The following ARHGAP27 variants were observed in gnomAD, a reference collection of about 807,000 sequenced individuals.
The protein encoded by ARHGAP27 is Rho GTPase activating protein 27, also known as rho GTPase-activating protein 27.
ARHGAP27 carries 53 observed loss-of-function variants against 102.0 expected under a neutral mutation model. The ratio of observed to expected loss-of-function variants is 0.52; its 90% CI spans 0.42 to 0.65. ARHGAP27 has a LOEUF of 0.65. Ranked by LOEUF, ARHGAP27 falls within the 30% of genes least tolerant of loss-of-function variation. The probability of loss-of-function intolerance (pLI) is 0.00; values close to 1 mark genes in which losing one functional copy is unlikely to be tolerated. For missense variants in ARHGAP27, 1,117 were observed against 1,256.2 expected (o/e 0.89, Z 1.68); for synonymous variants, 525 against 542.8 (o/e 0.97, Z 0.46).
At chr17:45,407,519 C>CTTTTTTTTTTTTTTTTTTT (rs3973543) in intron 4 of ARHGAP27, 2 of 143,028 alleles carry the variant, frequency 1.4e-5, no homozygotes, top group Non-Finnish European at 3.1e-5. Flanking sequence ...TCTTTTTTTT[C>CTTTTTTTTTTTTTTTTTTT]TTTTTTTTTT....
rs745407695 is a variant in ARHGAP27 at position 45,398,015 on chromosome 17, G to A, written c.1776C>T (p.Ile592=). ...TGATGATGGCCTCCGAGTCGTGCTG[G>A]ATCAGGTACTCAGAGCCATCTCGGC... ...LRSRDGSEYL[I]QHDSEAIIST... The change falls in exon 13 of 20, where the codon ATC becomes ATT. Residue 592 remains isoleucine (I), a synonymous_variant. Transcript: ENST00000685559. 3 of 1,609,116 alleles carry A rather than the reference G, an allele frequency of 1.9e-6. No homozygotes were observed. Among genetic ancestry groups the A allele is most frequent in the Admixed American group, 3.3e-5 (2 of 59,952 alleles).
intron 4 of ARHGAP27, among the ~76,000 whole-genome samples, chr17:45,420,295 T>TTTTTG (rs137932389): frequency 6.6e-6 from 1 of 151,162 alleles, no homozygotes; most frequent in Admixed American, 6.6e-5. Context: ...GTAAACAAGG[T>TTTTTG]TTTTGTTTTG....
In ARHGAP27 at chr17:45,410,397, C is replaced by T. The variant is rs544572897; in HGVS notation, c.658-4314G>A. ...GGGCAACAGGGAAACAAGAAGTTGC[C>T]GAGATGGCGGGAGGCTGAGACTCCA... On this transcript the variant is annotated intron_variant, in intron 4 of 19. Coordinates refer to ENST00000685559, the MANE Select transcript of ARHGAP27 (RefSeq NM_001282290.2). 9.6e-6 allele frequency: 13 copies of T among 1,354,314 alleles called. No individual in the cohort carries two copies. The African/African-American group carries it at 1.1e-4, about 11-fold the overall frequency. 83.9% of individuals were successfully genotyped at this position (1,354,314 alleles called of 1,614,324 possible). A position where few individuals can be genotyped will look rare whatever the true frequency, so the allele number is the denominator to read the frequency against.
chr17:45,395,166 A>G lies in ARHGAP27; in HGVS notation c.*290T>C, dbSNP rs2045438027. On this transcript the variant is annotated 3_prime_UTR_variant, in exon 20 of 20. Transcript: ENST00000685559. The stretch of plus-strand genomic sequence containing the variant: ...ACAAACTCTCACCCCCACACACGCT[A>G]TCGCACACGCACAGTAGGCGCGATG... 4.1e-6 allele frequency: 2 copies of G among 488,422 alleles called. No individual in the cohort carries two copies. The highest frequency in any genetic ancestry group is 3.8e-5 in the Admixed American group (1 of 26,216). The allele number at this position is 488,422 out of a possible 1,614,324, so 30.3% of individuals were successfully genotyped here.
intron 4 of ARHGAP27, among the ~76,000 whole-genome samples, chr17:45,419,104 G>A (rs1218193374): frequency 1.3e-5 from 2 of 152,062 alleles, no homozygotes; most frequent in Admixed American, 6.5e-5. Flanking sequence ...ACCAGTTGCC[G>A]CCACCAGACC....
In ARHGAP27 at chr17:45,427,386, A is replaced by G. The variant is rs2049723419; in HGVS notation, c.657+2237T>C. On this transcript the variant is annotated intron_variant, in intron 4 of 19. Transcript: ENST00000685559. The surrounding 1 kb of genome is among the most constrained non-coding windows in gnomAD (Gnocchi z 4.5). ...CCATGTCTTCTCTTGCTGGCCTCCT[A>G]TCCAAGAGGGTGAGTCCCCCAGGAT... Among the ~76,000 whole-genome samples the G allele has an allele frequency of 6.6e-6, 1 of 152,296 alleles. No homozygotes were observed. The highest frequency in any genetic ancestry group is 1.9e-4 in the East Asian group (1 of 5,174).
intron 4 of ARHGAP27, 55 bp downstream of exon 4, chr17:45,429,568 G>C: frequency 1.9e-6 from 3 of 1,574,564 alleles, no homozygotes; most frequent in Non-Finnish European, 2.6e-6. Context: ...GGCTCCGTGC[G>C]GGCGCGGTCC....
At chr17:45,414,525 C>T (rs1464678844) in intron 4 of ARHGAP27, among the ~76,000 whole-genome samples, 9 of 151,420 alleles carry the variant, frequency 5.9e-5, no homozygotes, top group African/African-American at 2.2e-4. Context: ...GCAGCTTTGA[C>T]TTCTTGGACT....
intron 4 of ARHGAP27, among the ~76,000 whole-genome samples, chr17:45,426,407 C>T (rs762719074): frequency 6.6e-6 from 1 of 152,112 alleles, no homozygotes; most frequent in African/African-American, 2.4e-5. Context: ...GACCAGCCCA[C>T]CCCAAGTGCT....
Position 45,430,148 on chromosome 17 carries a change from G to T in ARHGAP27, c.132C>A (p.His44Gln). ...CGGGCTCACGCCGCACGTGCCACCA[G>T]TGCTCGGTGCTGCGCCGCAGCAGCC... ...RYRLLRRSTEHWWHVRREPGG... is the reference protein window; with the variant it reads ...RYRLLRRSTEQWWHVRREPGG... Residue 44 changes from histidine (H) to glutamine (Q), a missense_variant, in exon 4 of 20, where the codon CAC (histidine) becomes CAA (glutamine). Transcript: ENST00000685559. This position sits in a 1 kb window ranked among gnomAD's most constrained non-coding sequence, Gnocchi z 4.4. 4 of 1,534,054 alleles carry T rather than the reference G, an allele frequency of 2.6e-6. No individual in the cohort carries two copies. Among genetic ancestry groups the T allele is most frequent in the Non-Finnish European group, 3.5e-6 (4 of 1,146,614 alleles).
At chr17:45,431,329 C>T (rs993721602) in intron 3 of ARHGAP27, among the ~76,000 whole-genome samples, 37 of 152,340 alleles carry the variant, frequency 2.4e-4, no homozygotes, top group African/African-American at 8.4e-4. Flanking sequence ...GTGCATGGCC[C>T]CTCCAAACTC....
At chr17:45,425,529 G>T in intron 4 of ARHGAP27, 1 of 980,878 alleles carries the variant, frequency 1.0e-6, no homozygotes, top group Non-Finnish European at 1.2e-6. Flanking sequence ...AAACTGCTGT[G>T]GCCACCCCCT....
At position 45,404,411 on chromosome 17, in the gene ARHGAP27, G is replaced by A. The variant is rs1048217846; in HGVS notation, c.1413+34C>T. On this transcript the variant is annotated intron_variant, in intron 8 of 19. Coordinates refer to ENST00000685559, the MANE Select transcript of ARHGAP27 (RefSeq NM_001282290.2). ...AGAAGCCCCCCACTGCTTCTGTGGT[G>A]GTCCTGCCAGGACCTCAATGGCTCC... is the stretch of plus-strand genomic sequence containing the variant. The A allele has an allele frequency of 3.7e-6, 6 of 1,613,688 alleles. No homozygotes were observed. The African/African-American group carries it at 8.0e-5, about 22-fold the overall frequency.
rs2047101427 is a variant in ARHGAP27, at chr17:45,405,878, G to A, written c.863C>T (p.Pro288Leu). ...GTCCACCGAGGCAGGGGAGGTGGCT[G>A]GGCTGGCGGCACCCTCGGCAGCCTC... Reference protein sequence around the residue: ...PFEAAEGAASPATSPASVDSH... With the variant: ...PFEAAEGAASLATSPASVDSH... The change falls in exon 5 of 20, where the codon CCA becomes CTA. Residue 288 changes from proline (P) to leucine (L), a missense_variant. Transcript: ENST00000685559. 16 of 1,536,070 alleles carry A rather than the reference G, an allele frequency of 1.0e-5. No individual in the cohort carries two copies. In the East Asian group the frequency reaches 3.9e-4, roughly 38 times the overall value.
chr17:45,402,626 C>G (rs1208265905), intron 12 of ARHGAP27, 88 bp downstream of exon 12: 1 of 1,275,552 alleles, frequency 7.8e-7, no homozygotes, highest in Non-Finnish European at 1.1e-6. Context: ...GTCAAAAACC[C>G]CCAGGTCATT....
rs747764820 is a variant in ARHGAP27, at chr17:45,404,348, C to G, written c.1414-14G>C. On this transcript the variant is annotated splice_polypyrimidine_tract_variant and intron_variant, in intron 8 of 19. Transcript: ENST00000685559. The stretch of plus-strand genomic sequence containing the variant: ...CTCTGCTGGGACCTATGGGGGAAGA[C>G]AGATAGATCCCACCAAGTCCCTCCT... The G allele has an allele frequency of 6.2e-6, 10 of 1,613,964 alleles. No homozygotes were observed. Among genetic ancestry groups the G allele is most frequent in the Non-Finnish European group, 8.5e-6 (10 of 1,179,874 alleles).
chr17:45,397,503 CA>C, intron 13 of ARHGAP27: 1 of 221,650 alleles, frequency 4.5e-6, no homozygotes, highest in Non-Finnish European at 8.5e-6. Flanking sequence ...AATTAAGGGT[CA>C]AAAAGCCCCA....
intron 4 of ARHGAP27, among the ~76,000 whole-genome samples, chr17:45,415,987 T>C (rs1171189169): frequency 6.6e-6 from 1 of 152,122 alleles, no homozygotes; most frequent in African/African-American, 2.4e-5. Context: ...TCAGATATAA[T>C]AATGGTAGGG....
intron 4 of ARHGAP27, among the ~76,000 whole-genome samples, chr17:45,413,168 TG>T (rs1204896379): frequency 6.6e-6 from 1 of 151,178 alleles, no homozygotes; most frequent in African/African-American, 2.4e-5. Context: ...TTAGTAGAGA[TG>T]GGGTTTCATC....
Sources: allele counts gnomAD v4.1 joint callset (sites outside exome capture counted in the v4.1 genomes callset), GRCh38; gene constraint gnomAD v4.1.1; non-coding constraint Gnocchi (gnomAD v3.1); transcripts MANE v1.5; gene names NCBI Gene and HGNC (gene_info 2026-07-23, HGNC 2026-07-21).